AUH: variants seen among roughly 807,000 people sequenced by gnomAD.
AUH encodes AU RNA binding methylglutaconyl-CoA hydratase, also known as methylglutaconyl-CoA hydratase, mitochondrial.
Under a neutral mutation model 42.3 loss-of-function variants are expected in AUH, and 29 were observed. That is an observed-to-expected ratio of 0.69 (90% CI 0.51 to 0.93). The LOEUF is 0.93. Ranked by LOEUF, AUH falls within the 40% of genes least tolerant of loss-of-function variation. AUH has a pLI of 0.00. For synonymous variants in AUH, 174 were observed against 166.4 expected, an observed-to-expected ratio of 1.05 and a Z score of -0.35; for missense variants, 452 against 438.1, an observed-to-expected ratio of 1.03 and a Z score of -0.28.
chr9:91,261,785 G>A (rs1276631984), intron 6 of AUH, among the ~76,000 whole-genome samples: 3 of 152,166 alleles, frequency 2.0e-5, no homozygotes, highest in African/African-American at 7.2e-5. Context: ...TGTGCTACCT[G>A]TAATCCAGTG....
At chr9:91,273,647 T>C (rs142920482) in intron 6 of AUH, among the ~76,000 whole-genome samples, 3 of 152,356 alleles carry the variant, frequency 2.0e-5, no homozygotes, top group Middle Eastern at 3.4e-3. Context: ...AAACCCTCTG[T>C]CTTTATAACA....
At chr9:91,334,796 T>A (rs1246052235) in intron 3 of AUH, among the ~76,000 whole-genome samples, 1 of 152,210 alleles carries the variant, frequency 6.6e-6, no homozygotes, top group Non-Finnish European at 1.5e-5. Context: ...ATTAAAGTCA[T>A]GATTTCAATC....
At chr9:91,241,554 G>A (rs1465894803) in intron 6 of AUH, among the ~76,000 whole-genome samples, 2 of 151,940 alleles carry the variant, frequency 1.3e-5, no homozygotes, top group African/African-American at 2.4e-5. Flanking sequence ...TATGTATTAT[G>A]TATGTGTAAT....
chr9:91,295,919 CTT>C (rs1245012816), intron 6 of AUH, 100 bp downstream of exon 6: 2 of 1,335,780 alleles, frequency 1.5e-6, no homozygotes, highest in African/African-American at 1.4e-5. Flanking sequence ...GCCATTGTCT[CTT>C]TACGCAAAAT....
Position 91,298,690 on chromosome 9 carries a change from G to C in AUH, c.506-614C>G, listed in dbSNP as rs541057207. ...CCTGCTCACAAGCATGCCTGGAAAG[G>C]GGTCAGCCAGTCACAGAACTAAAAG... On this transcript the variant is annotated intron_variant, in intron 4 of 9. Coordinates refer to ENST00000375731, the MANE Select transcript of AUH (RefSeq NM_001698.3). 1.8e-4 allele frequency among the ~76,000 whole-genome samples: 27 copies of C among 152,224 alleles called. 1 individual carries two copies. The highest frequency in any genetic ancestry group is 5.8e-4 in the African/African-American group (24 of 41,526).
chr9:91,296,125 A>G, intron 5 of AUH, 48 bp from the exon 6 acceptor site: 1 of 1,567,018 alleles, frequency 6.4e-7, no homozygotes, highest in Non-Finnish European at 8.8e-7. Flanking sequence ...CATCACATTC[A>G]AATATGACAA....
At chr9:91,351,233 A>C (rs542360698) in intron 3 of AUH, among the ~76,000 whole-genome samples, 4 of 152,304 alleles carry the variant, frequency 2.6e-5, no homozygotes, top group South Asian at 4.1e-4. Context: ...GGCCTCCCAA[A>C]GTGCTGGGAC....
intron 1 of AUH, among the ~76,000 whole-genome samples, chr9:91,360,084 T>C (rs1205812157): frequency 5.9e-5 from 9 of 152,182 alleles, no homozygotes; most frequent in Admixed American, 5.9e-4. Flanking sequence ...TGATATTCTC[T>C]CTTCTGTCCA....
At chr9:91,255,107 G>A (rs997531996) in intron 6 of AUH, among the ~76,000 whole-genome samples, 1 of 152,130 alleles carries the variant, frequency 6.6e-6, no homozygotes, top group African/African-American at 2.4e-5. Flanking sequence ...CTCGGCCAGA[G>A]GTTTGGAATT....
intron 7 of AUH, among the ~76,000 whole-genome samples, chr9:91,220,482 G>C (rs1490677426): frequency 2.0e-5 from 3 of 152,210 alleles, no homozygotes; most frequent in African/African-American, 4.8e-5. Context: ...CCATGGCTAT[G>C]GCTTCCATTA....
chr9:91,276,950 T>G (rs1209168250), intron 6 of AUH, among the ~76,000 whole-genome samples: 13 of 152,178 alleles, frequency 8.5e-5, no homozygotes, highest in Admixed American at 7.2e-4. Context: ...TTTGGGAAGC[T>G]GAGGTGGGAA....
intron 6 of AUH, 102 bp from the exon 7 acceptor site, chr9:91,221,094 A>G: frequency 7.7e-7 from 1 of 1,303,344 alleles, no homozygotes; most frequent in South Asian, 1.2e-5. Flanking sequence ...CAGGGCCAGA[A>G]GTTTATATGT....
intron 6 of AUH, among the ~76,000 whole-genome samples, chr9:91,274,425 T>A (rs532060050): frequency 6.6e-6 from 1 of 152,310 alleles, no homozygotes; most frequent in South Asian, 2.1e-4. Context: ...GATGACAGGA[T>A]GTTATAAGGT....
chr9:91,249,913 G>A (rs1206183135), intron 6 of AUH, among the ~76,000 whole-genome samples: 1 of 151,844 alleles, frequency 6.6e-6, no homozygotes, highest in African/African-American at 2.4e-5. Flanking sequence ...TCAGGAGGCT[G>A]AGGCAGGAGA....
intron 3 of AUH, among the ~76,000 whole-genome samples, chr9:91,349,672 A>G (rs996756353): frequency 1.4e-5 from 1 of 73,828 alleles, no homozygotes; most frequent in Non-Finnish European, 2.6e-5. Context: ...TGTAAGGCAG[A>G]GAGACAGACA....
intron 3 of AUH, among the ~76,000 whole-genome samples, chr9:91,332,439 T>G (rs556627893): frequency 1.3e-5 from 2 of 152,240 alleles, no homozygotes; most frequent in South Asian, 4.1e-4. Flanking sequence ...GAGGTGGAAG[T>G]TGCAGTGAGC....
chr9:91,238,150 G>A (rs1193613647), intron 6 of AUH, among the ~76,000 whole-genome samples: 1 of 152,162 alleles, frequency 6.6e-6, no homozygotes, highest in Non-Finnish European at 1.5e-5. Flanking sequence ...TTTGGGACCA[G>A]TTTTTTCAGG....
At chr9:91,259,399 C>A (rs1829585556) in intron 6 of AUH, among the ~76,000 whole-genome samples, 3 of 151,752 alleles carry the variant, frequency 2.0e-5, no homozygotes, top group Admixed American at 2.0e-4. Flanking sequence ...CACCTCTGAC[C>A]TACCACCTTT....
chr9:91,230,882 G>A (rs1204874123), intron 6 of AUH, among the ~76,000 whole-genome samples: 3 of 152,288 alleles, frequency 2.0e-5, no homozygotes, highest in Non-Finnish European at 2.9e-5. Context: ...CAGGGGTCAC[G>A]GACCCACTTG....
Sources: gnomAD v4.1 joint callset for allele counts (sites outside exome capture counted in the v4.1 genomes callset) on GRCh38, gnomAD v4.1.1 for gene constraint, MANE v1.5 for transcripts, NCBI Gene and HGNC (gene_info 2026-07-23, HGNC 2026-07-21) for gene names.